CHCHD3: variants seen among roughly 807,000 people sequenced by gnomAD.
CHCHD3 encodes the protein coiled-coil-helix-coiled-coil-helix domain containing 3.
A neutral mutation model predicts 38.2 loss-of-function variants in CHCHD3; 20 were observed. That is an observed-to-expected ratio of 0.52 (90% CI 0.37 to 0.76). The LOEUF (loss-of-function observed/expected upper bound fraction) is 0.76. Ranked by LOEUF, CHCHD3 falls within the 30% of genes least tolerant of loss-of-function variation. CHCHD3 has a pLI of 0.00. For missense variants in CHCHD3, 245 were observed against 279.2 expected (o/e 0.88, Z 0.87); for synonymous variants, 82 against 100.0 (o/e 0.82, Z 1.07).
chr7:132,957,167 C>G (rs1475822282), intron 4 of CHCHD3, among the ~76,000 whole-genome samples: 7 of 152,220 alleles, frequency 4.6e-5, no homozygotes, highest in Non-Finnish European at 1.0e-4. Flanking sequence ...GGTTCTGACT[C>G]TTTCGGTTTA....
In CHCHD3 at chr7:132,875,609, G is replaced by A. The variant is rs150109936; in HGVS notation, c.453+10053C>T. Among the ~76,000 whole-genome samples the A allele has an allele frequency of 7.6e-3, 1,151 of 152,256 alleles. 13 individuals carry two copies. The highest frequency in any genetic ancestry group is 0.025 in the African/African-American group (1,045 of 41,548). ...CACACAGCCTCCATGGGCCCATTGC[G>A]CCACTGTGTCAACTGAAAGCTCCGT... On this transcript the variant is annotated intron_variant, in intron 5 of 7. Transcript: ENST00000262570.
Position 132,858,959 on chromosome 7 carries a change from T to G in CHCHD3, c.454-20490A>C, listed in dbSNP as rs76733719. On this transcript the variant is annotated intron_variant, in intron 5 of 7. Coordinates refer to ENST00000262570, the MANE Select transcript of CHCHD3 (RefSeq NM_017812.4). ...TAAGGCCCTCCAAAATGAAATAATT[T>G]ACCAGGTCATTTGAGCTTGTCTGTG... Among the ~76,000 whole-genome samples, 8 of 152,288 alleles carry G rather than the reference T, an allele frequency of 5.3e-5. No individual in the cohort carries two copies. In the East Asian group the frequency reaches 1.5e-3, roughly 29 times the overall value.
At chr7:133,001,835 G>A (rs1812583637) in intron 3 of CHCHD3, among the ~76,000 whole-genome samples, 1 of 152,306 alleles carries the variant, frequency 6.6e-6, no homozygotes, top group African/African-American at 2.4e-5. Flanking sequence ...AGATGGATGC[G>A]ATAGATAATC....
At chr7:132,864,082 G>C (rs1252446624) in intron 5 of CHCHD3, among the ~76,000 whole-genome samples, 1 of 152,142 alleles carries the variant, frequency 6.6e-6, no homozygotes, top group Non-Finnish European at 1.5e-5. Context: ...TTCACAACTT[G>C]GCCAATTGTT....
At chr7:133,022,889 CA>C (rs1813231536) in intron 3 of CHCHD3, among the ~76,000 whole-genome samples, 1 of 89,944 alleles carries the variant, frequency 1.1e-5, no homozygotes, top group Admixed American at 1.1e-4. Flanking sequence ...GTTATTTTAA[CA>C]AAAAGCCTGC....
intron 6 of CHCHD3, among the ~76,000 whole-genome samples, chr7:132,825,398 C>CA (rs1245975567): frequency 2.0e-5 from 3 of 152,200 alleles, no homozygotes; most frequent in Non-Finnish European, 4.4e-5. Context: ...TCAAAGACTT[C>CA]AAAAACAGCC....
At chr7:132,867,124 G>C (rs957957270) in intron 5 of CHCHD3, among the ~76,000 whole-genome samples, 3 of 152,184 alleles carry the variant, frequency 2.0e-5, no homozygotes, top group Non-Finnish European at 2.9e-5. Context: ...TTAATGAATT[G>C]TCAGCTCTAC....
intron 6 of CHCHD3, chr7:132,815,375 C>A: frequency 3.2e-6 from 1 of 316,986 alleles, no homozygotes; most frequent in Non-Finnish European, 6.2e-6. Context: ...AAATGCTAAG[C>A]AAAATGGAAT....
At chr7:132,790,050 T>C (rs1359395240) in intron 7 of CHCHD3, among the ~76,000 whole-genome samples, 3 of 152,236 alleles carry the variant, frequency 2.0e-5, no homozygotes, top group Non-Finnish European at 2.9e-5. Context: ...CACCAAGTAC[T>C]GTTCTTCACT....
chr7:132,964,526 G>A (rs1811407813), intron 4 of CHCHD3, among the ~76,000 whole-genome samples: 1 of 152,196 alleles, frequency 6.6e-6, no homozygotes, highest in Non-Finnish European at 1.5e-5. Flanking sequence ...AGGTTGCAGT[G>A]AGCCAAGATC....
chr7:132,837,201 G>T (rs916369380), intron 6 of CHCHD3, among the ~76,000 whole-genome samples: 1 of 151,932 alleles, frequency 6.6e-6, no homozygotes, highest in African/African-American at 2.4e-5. Context: ...AGAAATATTC[G>T]GGGAGCCAAC....
intron 2 of CHCHD3, among the ~76,000 whole-genome samples, chr7:133,057,398 C>CA (rs997847310): frequency 6.6e-6 from 1 of 151,622 alleles, no homozygotes; most frequent in Non-Finnish European, 1.5e-5. Context: ...CCTGTCTCTA[C>CA]AAAAAAAATT....
At chr7:132,803,543 G>C (rs143438973) in intron 6 of CHCHD3, among the ~76,000 whole-genome samples, 94 of 151,692 alleles carry the variant, frequency 6.2e-4, no homozygotes, top group African/African-American at 2.0e-3. Context: ...TGATACCCTC[G>C]AGGCTTTGTG....
chr7:132,796,233 G>A (rs1333922121), intron 7 of CHCHD3, among the ~76,000 whole-genome samples: 4 of 152,180 alleles, frequency 2.6e-5, no homozygotes, highest in Non-Finnish European at 5.9e-5. Context: ...GCAAGTAAAT[G>A]AGTTGTACAT....
rs1071795 is a variant in CHCHD3 at position 132,824,388 on chromosome 7, G to A, written c.524+14011C>T. 3.2e-3 allele frequency among the ~76,000 whole-genome samples: 450 copies of A among 141,050 alleles called. 4 individuals carry two copies. The highest frequency in any genetic ancestry group is 2.4e-3 in the Non-Finnish European group (157 of 66,452). The allele number at this position is 141,050 out of a possible 152,430, so 92.5% of individuals were successfully genotyped here. On this transcript the variant is annotated intron_variant, in intron 6 of 7. Transcript: ENST00000262570. ...GGCTGGAGTGCAGTGGCATGATCTC[G>A]GCTCACTGCAAGCTACGCCTCCTGG...
At chr7:132,935,252 T>C (rs1349068515) in intron 4 of CHCHD3, among the ~76,000 whole-genome samples, 2 of 152,196 alleles carry the variant, frequency 1.3e-5, no homozygotes, top group Non-Finnish European at 2.9e-5. Context: ...GTAAAACTAG[T>C]GGAACACAGA....
chr7:132,964,453 C>T (rs1465725562), intron 4 of CHCHD3, among the ~76,000 whole-genome samples: 1 of 152,138 alleles, frequency 6.6e-6, no homozygotes, highest in Non-Finnish European at 1.5e-5. Flanking sequence ...TGGAGGCGTG[C>T]ACCTGTAATC....
chr7:132,836,228 C>T (rs1807777933), intron 6 of CHCHD3, among the ~76,000 whole-genome samples: 2 of 152,096 alleles, frequency 1.3e-5, no homozygotes, highest in South Asian at 4.1e-4. Context: ...ATTCTCCTGC[C>T]TTAGCCTTAG....
chr7:132,880,710 C>A (rs1228783241), intron 5 of CHCHD3, among the ~76,000 whole-genome samples: 1 of 152,016 alleles, frequency 6.6e-6, no homozygotes, highest in African/African-American at 2.4e-5. Flanking sequence ...AAGATAAACA[C>A]ACATAACTAA....
Sources: gnomAD v4.1 joint callset for allele counts (sites outside exome capture counted in the v4.1 genomes callset) on GRCh38, gnomAD v4.1.1 for gene constraint, MANE v1.5 for transcripts, NCBI Gene and HGNC (gene_info 2026-07-23, HGNC 2026-07-21) for gene names.